Variants in NFKBIZ observed in about 807,000 individuals in gnomAD.
NFKBIZ encodes NF-kappa-B inhibitor zeta.
NFKBIZ carries 19 observed loss-of-function variants against 76.8 expected under a neutral mutation model. The ratio of observed to expected loss-of-function variants is 0.25; its 90% CI spans 0.17 to 0.36. The LOEUF (loss-of-function observed/expected upper bound fraction) is 0.36, where lower values mean the gene tolerates loss of function less well. NFKBIZ is among the 10% of genes least tolerant of loss of function. The pLI, the probability that NFKBIZ is intolerant of heterozygous loss-of-function variation, is 1.00. For missense variants in NFKBIZ, 829 were observed against 910.9 expected (o/e 0.91, Z 1.16); for synonymous variants, 368 against 354.8 (o/e 1.04, Z -0.42).
intron 5 of NFKBIZ, among the ~76,000 whole-genome samples, 189 bp downstream of exon 5, chr3:101,854,052 A>G (rs1560088648): frequency 6.6e-6 from 1 of 152,164 alleles, no homozygotes; most frequent in Non-Finnish European, 1.5e-5. Context: ...CCTTCAAAAA[A>G]TTTTTTGGCT....
chr3:101,856,092 C>T (rs1943045286), intron 9 of NFKBIZ, 190 bp downstream of exon 9: 1 of 413,500 alleles, frequency 2.4e-6, no homozygotes, highest in Non-Finnish European at 4.3e-6. Flanking sequence ...ACTGTGTCGC[C>T]CAGGCTGGAA....
intron 2 of NFKBIZ, among the ~76,000 whole-genome samples, chr3:101,841,547 G>C (rs1388869348): frequency 6.6e-6 from 1 of 152,160 alleles, no homozygotes; most frequent in Non-Finnish European, 1.5e-5. Context: ...AGAATAACTA[G>C]AATTTGAAAA....
chr3:101,847,819 C>T (rs78528414), upstream of NFKBIZ, among the ~76,000 whole-genome samples: 18 of 152,236 alleles, frequency 1.2e-4, no homozygotes, highest in East Asian at 3.3e-3. Flanking sequence ...GGGTCTTATG[C>T]CACCTACTAA....
intron 2 of NFKBIZ, among the ~76,000 whole-genome samples, chr3:101,843,020 TAAA>T (rs35824432): frequency 4.7e-4 from 31 of 66,462 alleles, no homozygotes; most frequent in African/African-American, 1.5e-3. Flanking sequence ...CTGTATTTTC[TAAA>T]AAAAAAAAAA....
At chr3:101,846,058 C>CT (rs1233201802), upstream of NFKBIZ, among the ~76,000 whole-genome samples, 1 of 152,224 alleles carries the variant, frequency 6.6e-6, no homozygotes, top group Non-Finnish European at 1.5e-5. Context: ...CATCAGAAAT[C>CT]TCTTGAGTGT....
intron 6 of NFKBIZ, 61 bp downstream of exon 6, chr3:101,854,744 C>A: frequency 8.7e-7 from 1 of 1,151,026 alleles, no homozygotes; most frequent in Non-Finnish European, 1.3e-6. Flanking sequence ...TGAATGATGA[C>A]CAGCCTTATG....
At chr3:101,855,579 A>G in intron 8 of NFKBIZ, 121 bp downstream of exon 8, 1 of 1,252,700 alleles carries the variant, frequency 8.0e-7, no homozygotes, top group Non-Finnish European at 1.1e-6. Context: ...GTAAAATTAG[A>G]CCCAAAAAGA....
At chr3:101,858,730 GAGAT>G (rs1407509760) in intron 11 of NFKBIZ, among the ~76,000 whole-genome samples, 1 of 152,142 alleles carries the variant, frequency 6.6e-6, no homozygotes, top group African/African-American at 2.4e-5. Context: ...TGGAGGCTGA[GAGAT>G]AGAAAATAAA....
intron 2 of NFKBIZ, among the ~76,000 whole-genome samples, chr3:101,842,974 T>G (rs1942806152): frequency 6.8e-6 from 1 of 146,828 alleles, no homozygotes; most frequent in Non-Finnish European, 1.5e-5. Flanking sequence ...CCCTAAAAAT[T>G]ATTTAAATCT....
At chr3:101,854,964 C>G (rs1353295102) in intron 6 of NFKBIZ, 98 bp from the exon 7 acceptor site, 10 of 1,297,520 alleles carry the variant, frequency 7.7e-6, no homozygotes, top group Non-Finnish European at 1.1e-5. Context: ...TTTATTTTCT[C>G]TCTGTGGGTT....
rs780062405 is a variant in NFKBIZ at position 101,849,665 on chromosome 3, G to A, written c.37G>A (p.Gly13Arg). The A allele has an allele frequency of 2.1e-5, 29 of 1,402,454 alleles. No individual in the cohort carries two copies. The highest frequency in any genetic ancestry group is 1.3e-5 in the Non-Finnish European group (14 of 1,087,300). 86.9% of individuals were successfully genotyped at this position (1,402,454 alleles called of 1,614,324 possible). ...VDKLLDDSRG[G>R]EGLRDAAGGC... ...CAAGCTGCTGGACGACAGCCGCGGC[G>A]GAGAGGGGCTGCGGGACGCGGCGGG... Residue 13 changes from glycine (G) to arginine (R), a missense_variant, in exon 1 of 12, where the codon GGA (glycine) becomes AGA (arginine). Physicochemically the swap from Gly to Arg is moderately radical, Grantham distance 125. Transcript: ENST00000326172.
chr3:101,834,419 G>A (rs1177871845), intron 2 of NFKBIZ, among the ~76,000 whole-genome samples: 1 of 151,918 alleles, frequency 6.6e-6, no homozygotes, highest in African/African-American at 2.4e-5. Flanking sequence ...GGAGTGCAGT[G>A]GCTCTATCTT....
At chr3:101,844,296 T>G (rs192483694) in intron 2 of NFKBIZ, among the ~76,000 whole-genome samples, 1 of 152,356 alleles carries the variant, frequency 6.6e-6, no homozygotes, top group East Asian at 1.9e-4. Context: ...TAAAATGATG[T>G]ATACAAGAGT....
At chr3:101,844,516 TGATGA>T (rs1942825408), upstream of NFKBIZ, among the ~76,000 whole-genome samples, 3 of 152,222 alleles carry the variant, frequency 2.0e-5, no homozygotes, top group Non-Finnish European at 4.4e-5. Context: ...TCAGGATAAA[TGATGA>T]GATTCGAAAA....
chr3:101,854,328 A>T (rs1203296134), intron 5 of NFKBIZ, among the ~76,000 whole-genome samples: 2 of 152,156 alleles, frequency 1.3e-5, no homozygotes, highest in African/African-American at 4.8e-5. Flanking sequence ...TATTAAAAAT[A>T]ATAGATTTAA....
At position 101,852,108 on chromosome 3, in the gene NFKBIZ, A is replaced by G; in HGVS notation, c.313A>G (p.Arg105Gly). The change falls in exon 2 of 12, where the codon AGG becomes GGG. Residue 105 changes from arginine to glycine, a missense_variant. Physicochemically the swap from Arg to Gly is moderately radical, Grantham distance 125. Around this residue, in one of 4 missense-constraint regions of NFKBIZ, gnomAD observed 181 missense variants for 175.3 expected, o/e 1.03. Transcript: ENST00000326172. ...QPVEPHMGVG[R>G]QQRGPFQGVR... The stretch of plus-strand genomic sequence containing the variant: ...AGTTGAGCCCCATATGGGGGTTGGC[A>G]GGCAGCAGAGAGGCCCCTTTCAAGG... The G allele has an allele frequency of 6.2e-7, 1 of 1,614,224 alleles. No homozygotes were observed. Among genetic ancestry groups the G allele is most frequent in the Non-Finnish European group, 8.5e-7 (1 of 1,180,028 alleles).
Position 101,849,893 on chromosome 3 carries a change from G to A in NFKBIZ, c.265G>A (p.Gly89Ser), listed in dbSNP as rs1312912726. ...CGAVESRSRGGARAERQPVEP... is the reference protein window; with the variant it reads ...CGAVESRSRGSARAERQPVEP... ...CGCCGTGGAGTCCCGGTCGAGAGGC[G>A]GCGCCCGCGCCGAGCGCCAGCCAGG... Residue 89 changes from glycine (G) to serine (S), a missense_variant, in exon 1 of 12, where the codon GGC (glycine) becomes AGC (serine). Gly to Ser is a moderately conservative substitution (Grantham distance 56, BLOSUM62 0). Transcript: ENST00000326172. The A allele has an allele frequency of 7.0e-7, 1 of 1,434,754 alleles. No individual in the cohort carries two copies. The highest frequency in any genetic ancestry group is 3.0e-5 in the East Asian group (1 of 33,056). 88.9% of individuals were successfully genotyped at this position (1,434,754 alleles called of 1,614,324 possible). A position where few individuals can be genotyped will look rare whatever the true frequency, so the allele number is the denominator to read the frequency against.
In NFKBIZ at chr3:101,853,098, C is replaced by T. The variant is rs897738236; in HGVS notation, c.572C>T (p.Pro191Leu). ...ALLHSQFLTP[P>L]QTPTPGESME... ...CATTTTCCTTCTTTCCAGACACCAC[C>T]TCAAACACCAACGCCCGGGGAGAGC... Residue 191 changes from proline to leucine, a missense_variant, in exon 5 of 12, where the codon CCT becomes CTT. By Grantham distance (98) the Pro-to-Leu change is moderately conservative. Transcript: ENST00000326172. The T allele has an allele frequency of 1.9e-6, 3 of 1,613,204 alleles. No homozygotes were observed. The highest frequency in any genetic ancestry group is 2.5e-6 in the Non-Finnish European group (3 of 1,179,230).
intron 2 of NFKBIZ, among the ~76,000 whole-genome samples, chr3:101,843,174 C>T (rs1335811983): frequency 1.3e-5 from 2 of 152,084 alleles, no homozygotes; most frequent in Admixed American, 1.3e-4. Flanking sequence ...GGGGTTTACG[C>T]CTGTAATCCT....
Sources: gnomAD v4.1 joint callset for allele counts (sites outside exome capture counted in the v4.1 genomes callset) on GRCh38, gnomAD v4.1.1 for gene constraint, gnomAD v4.1.1 regional missense constraint, MANE v1.5 for transcripts, NCBI Gene and HGNC (gene_info 2026-07-23, HGNC 2026-07-21) for gene names.